The following FAT4 variants were observed in gnomAD, a reference collection of about 807,000 sequenced individuals.
The protein encoded by FAT4 is protocadherin Fat 4.
FAT4 carries 84 observed loss-of-function variants against 303.9 expected under a neutral mutation model. The ratio of observed to expected loss-of-function variants is 0.28; its 90% confidence interval spans 0.23 to 0.33. The LOEUF is 0.33. FAT4 is among the 10% of genes least tolerant of loss of function. FAT4 has a pLI of 1.00. For missense variants in FAT4, 6,005 were observed against 6,146.8 expected (o/e 0.98, Z 0.77); for synonymous variants, 2,307 against 2,298.8 (o/e 1.00, Z -0.10).
At chr4:125,427,437 G>T (rs1725121094) in intron 7 of FAT4, among the ~76,000 whole-genome samples, 1 of 151,854 alleles carries the variant, frequency 6.6e-6, no homozygotes, top group South Asian at 2.1e-4. Context: ...AATATTAAGT[G>T]TGTATATATC....
In FAT4 at chr4:125,407,061, C is replaced by T. The variant is rs781140778; in HGVS notation, c.5489C>T (p.Thr1830Ile). 1.2e-6 allele frequency: 2 copies of T among 1,613,606 alleles called. No homozygotes were observed. The highest frequency in any genetic ancestry group is 1.7e-5 in the Admixed American group (1 of 59,950). Reference protein sequence around the residue: ...LQSSDMRINITVSDVNDHTPK... With the variant: ...LQSSDMRINIIVSDVNDHTPK... Reference sequence around the variant, plus strand: ...TCCTCGGATATGAGAATTAATATCACTGTCAGTGATGTGAATGACCATACA... The same window carrying T: ...TCCTCGGATATGAGAATTAATATCATTGTCAGTGATGTGAATGACCATACA... Residue 1830 changes from threonine (T) to isoleucine (I), a missense_variant, in exon 4 of 18, where the codon ACT becomes ATT. Transcript: ENST00000394329.
Position 125,408,698 on chromosome 4 carries a change from C to A in FAT4, c.5824C>A (p.Pro1942Thr). The change falls in exon 5 of 18, where the codon CCT becomes ACT. Residue 1942 changes from proline (P) to threonine (T), a missense_variant. Physicochemically the swap from Pro to Thr is conservative, Grantham distance 38. Transcript: ENST00000394329. ...FNILDVNDNP[P>T]IFSLNSYSTS... Reference sequence around the variant, plus strand: ...TATTCTAGATGTAAATGATAATCCACCTATTTTCAGCTTGAATTCATACAG... The same window carrying A: ...TATTCTAGATGTAAATGATAATCCAACTATTTTCAGCTTGAATTCATACAG... 1.2e-6 allele frequency: 2 copies of A among 1,610,930 alleles called. No homozygotes were observed. The highest frequency in any genetic ancestry group is 1.7e-6 in the Non-Finnish European group (2 of 1,177,562).
intron 2 of FAT4, among the ~76,000 whole-genome samples, chr4:125,335,074 G>A (rs1291795794): frequency 6.6e-6 from 1 of 152,118 alleles, no homozygotes; most frequent in Non-Finnish European, 1.5e-5. Context: ...GGAAAATGAA[G>A]GAAGTGGGAG....
chr4:125,386,750 G>A lies in FAT4; in HGVS notation c.5176-12034G>A, dbSNP rs181064289. Among the ~76,000 whole-genome samples, 260 of 152,096 alleles carry A rather than the reference G, an allele frequency of 1.7e-3. 3 individuals are homozygous for A. Among genetic ancestry groups the A allele is most frequent in the African/African-American group, 5.7e-3 (238 of 41,504 alleles). The stretch of plus-strand genomic sequence containing the variant: ...TTTCATATAAATTAAATTTGTTATT[G>A]TTTTGAAGTAAAAATACAACACAAG... On this transcript the variant is annotated intron_variant, in intron 2 of 17. Coordinates refer to ENST00000394329, the MANE Select transcript of FAT4 (RefSeq NM_001291303.3).
chr4:125,334,834 G>A (rs1578533098), intron 2 of FAT4, among the ~76,000 whole-genome samples: 1 of 151,836 alleles, frequency 6.6e-6, no homozygotes, highest in African/African-American at 2.4e-5. Context: ...TTTTAAGATA[G>A]TACTTTAAAA....
At position 125,450,870 on chromosome 4, in the gene FAT4, A is replaced by G. The variant is rs750069644; in HGVS notation, c.9860A>G (p.Asn3287Ser). ...GAAAGGTGTAGCTTTGCCACTGTTA[A>G]TATACAATTAAAAGGGACAAATGAA... ...DEERCSFATV[N>S]IQLKGTNEYV... Residue 3287 changes from asparagine (N) to serine (S), a missense_variant, in exon 10 of 18, where the codon AAT becomes AGT. Asn to Ser is a conservative substitution (Grantham distance 46). Transcript: ENST00000394329. The G allele has an allele frequency of 1.2e-6, 2 of 1,614,138 alleles. No homozygotes were observed. Among genetic ancestry groups the G allele is most frequent in the Non-Finnish European group, 1.7e-6 (2 of 1,180,014 alleles).
chr4:125,492,016 C>A lies in FAT4; in HGVS notation c.*248C>A. The A allele has an allele frequency of 2.4e-6, 1 of 425,262 alleles. No individual in the cohort carries two copies. 26.3% of individuals were successfully genotyped at this position (425,262 alleles called of 1,614,324 possible). ...TTGTAACTAGTTATGTGGCATGCAG[C>A]ATTTGGAAAATTTTTCTTATTTACC... On this transcript the variant is annotated 3_prime_UTR_variant, in exon 18 of 18. Transcript: ENST00000394329.
In FAT4 at chr4:125,318,256, C is replaced by A. The variant is rs548524386; in HGVS notation, c.1845C>A (p.Asn615Lys). Residue 615 changes from asparagine (N) to lysine (K), a missense_variant, in exon 2 of 18, where the codon AAC (asparagine) becomes AAA (lysine). Asn to Lys is a moderately conservative substitution (Grantham distance 94). Coordinates refer to ENST00000394329, the MANE Select transcript of FAT4 (RefSeq NM_001291303.3). ...LRATDGDLGD[N>K]GTVRFSLQEA... is the part of the protein sequence containing the mutation. ...CAACTGACGGGGACCTGGGTGACAA[C>A]GGAACAGTGCGCTTCTCCTTACAAG... 4 of 1,614,070 alleles carry A rather than the reference C, an allele frequency of 2.5e-6. No homozygotes were observed. Among genetic ancestry groups the A allele is most frequent in the Non-Finnish European group, 3.4e-6 (4 of 1,180,050 alleles).
chr4:125,379,756 G>C (rs1318821349), intron 2 of FAT4, among the ~76,000 whole-genome samples: 1 of 151,614 alleles, frequency 6.6e-6, no homozygotes, highest in Non-Finnish European at 1.5e-5. Context: ...CACCGCGCTT[G>C]GCCAGACATT....
In FAT4 at chr4:125,490,481, C is replaced by T. The variant is rs202233968; in HGVS notation, c.13665C>T (p.Asn4555=). 4 of 1,614,084 alleles carry T rather than the reference C, an allele frequency of 2.5e-6. No individual in the cohort carries two copies. The highest frequency in any genetic ancestry group is 4.5e-5 in the East Asian group (2 of 44,850). Reference sequence around the variant, plus strand: ...AGAAGAAGAAAAAGGGAAGTGAGAACGTTGCTTTTGATGACCCTGACAATA... The same window carrying T: ...AGAAGAAGAAAAAGGGAAGTGAGAATGTTGCTTTTGATGACCCTGACAATA... ...PKEKKKKGSE[N]VAFDDPDNIP... Residue 4555 remains asparagine, a synonymous_variant, in exon 18 of 18, where the codon AAC becomes AAT. Transcript: ENST00000394329.
chr4:125,333,442 T>C (rs548174234), intron 2 of FAT4, among the ~76,000 whole-genome samples: 85 of 152,280 alleles, frequency 5.6e-4, no homozygotes, highest in Non-Finnish European at 8.2e-4. Flanking sequence ...TGTGGCAAAT[T>C]GTAAAAGTGC....
At chr4:125,487,299 A>G (rs1414935754) in intron 16 of FAT4, 46 bp from the exon 17 acceptor site, 2 of 1,548,056 alleles carry the variant, frequency 1.3e-6, no homozygotes, top group African/African-American at 1.4e-5. Context: ...TTTTTATTTA[A>G]GCATACCATA....
rs1470445491 is a variant in FAT4, at chr4:125,491,063, A to C, written c.14247A>C (p.Thr4749=). 2 of 1,614,064 alleles carry C rather than the reference A, an allele frequency of 1.2e-6. No individual in the cohort carries two copies. The highest frequency in any genetic ancestry group is 1.7e-6 in the Non-Finnish European group (2 of 1,180,034). Residue 4749 remains threonine, a synonymous_variant, in exon 18 of 18, where the codon ACA becomes ACC. Transcript: ENST00000394329. ...TCQPGIFNYA[T]RLGRRSKSPQ... ...AACCTGGCATTTTCAACTATGCCACAAGGCTGGGAAGGAGAAGCAAGAGTC... is the reference window on the plus strand; with the variant it reads ...AACCTGGCATTTTCAACTATGCCACCAGGCTGGGAAGGAGAAGCAAGAGTC...
chr4:125,352,877 A>T (rs1337439011), intron 2 of FAT4, among the ~76,000 whole-genome samples: 1 of 151,784 alleles, frequency 6.6e-6, no homozygotes. Context: ...ACTGAATTCT[A>T]CTGGATGCAG....
chr4:125,398,632 C>T (rs1455210637), intron 2 of FAT4, 152 bp from the exon 3 acceptor site: 11 of 672,390 alleles, frequency 1.6e-5, no homozygotes, highest in South Asian at 1.4e-4. Context: ...CACAACTTTT[C>T]CCTAGGGGTA....
chr4:125,419,015 T>C (rs1735178871), intron 7 of FAT4, among the ~76,000 whole-genome samples: 1 of 152,198 alleles, frequency 6.6e-6, no homozygotes, highest in East Asian at 1.9e-4. Context: ...GTATATCATG[T>C]AGTTAAATAC....
chr4:125,315,960 T>C lies in FAT4; in HGVS notation c.-30T>C, dbSNP rs937488263. Among the ~76,000 whole-genome samples, 1 of 152,190 alleles carries C rather than the reference T, an allele frequency of 6.6e-6. No homozygotes were observed. Among genetic ancestry groups the C allele is most frequent in the Non-Finnish European group, 1.5e-5 (1 of 68,036 alleles). On this transcript the variant is annotated 5_prime_UTR_variant, in exon 1 of 18. Coordinates refer to ENST00000394329, the MANE Select transcript of FAT4 (RefSeq NM_001291303.3). ...TGCTTGGACGTTTGTTCCTCCCTCT[T>C]CACGTTCTTCGCTGCGGGTAAGTTC...
At chr4:125,468,918 A>G in intron 12 of FAT4, 99 bp downstream of exon 12, 1 of 1,251,318 alleles carries the variant, frequency 8.0e-7, no homozygotes, top group Non-Finnish European at 1.1e-6. Flanking sequence ...TTATTCATTA[A>G]ATGAACACTT....
At position 125,408,711 on chromosome 4, in the gene FAT4, T is replaced by G; in HGVS notation, c.5837T>G (p.Leu1946Trp). The change falls in exon 5 of 18, where the codon TTG becomes TGG. Residue 1946 changes from leucine (L) to tryptophan (W), a missense_variant. Transcript: ENST00000394329. ...DVNDNPPIFS[L>W]NSYSTSLMEN... is the part of the protein sequence containing the mutation. ...AATGATAATCCACCTATTTTCAGCT[T>G]GAATTCATACAGCACATCTTTAATG... 1 of 1,612,152 alleles carries G rather than the reference T, an allele frequency of 6.2e-7. No individual in the cohort carries two copies.
Sources: allele counts gnomAD v4.1 joint callset (sites outside exome capture counted in the v4.1 genomes callset), GRCh38; gene constraint gnomAD v4.1.1; transcripts MANE v1.5; gene names NCBI Gene and HGNC (gene_info 2026-07-23, HGNC 2026-07-21).